Variants in DAB1 observed in about 807,000 individuals in gnomAD.
DAB1 encodes the protein DAB adaptor protein 1.
A neutral mutation model predicts 64.6 loss-of-function variants in DAB1; 15 were observed. The ratio of observed to expected loss-of-function variants is 0.23; its 90% CI spans 0.16 to 0.36. The LOEUF (loss-of-function observed/expected upper bound fraction) is 0.36, where lower values mean the gene tolerates loss of function less well. DAB1 is among the 10% of genes least tolerant of loss of function. The pLI is 1.00. For synonymous variants in DAB1, 235 were observed against 251.9 expected, an observed-to-expected ratio of 0.93 and a Z score of 0.64; for missense variants, 596 against 706.7, an observed-to-expected ratio of 0.84 and a Z score of 1.78.
At chr1:57,506,200 A>C (rs1319554354) in intron 7 of DAB1, among the ~76,000 whole-genome samples, 1 of 152,214 alleles carries the variant, frequency 6.6e-6, no homozygotes, top group Non-Finnish European at 1.5e-5. Context: ...ATAAAAGAAG[A>C]AAAAAGGAGG....
chr1:57,503,075 C>G (rs1012339964), intron 7 of DAB1, among the ~76,000 whole-genome samples: 14 of 152,186 alleles, frequency 9.2e-5, no homozygotes, highest in Non-Finnish European at 1.5e-4. Flanking sequence ...AGGCAGAATT[C>G]AACTTTGGTT....
rs528007821 is a variant in DAB1, at chr1:57,148,646, C to T, written c.68-3217G>A. On this transcript the variant is annotated intron_variant, in intron 2 of 14. Coordinates refer to ENST00000371236, the MANE Select transcript of DAB1 (RefSeq NM_001365792.1). Reference sequence around the variant, plus strand: ...CAAGATGGGCAAGAGAAAGACCACACGTTTAAGGAAAATCACCCATATGGT... The same window carrying T: ...CAAGATGGGCAAGAGAAAGACCACATGTTTAAGGAAAATCACCCATATGGT... Among the ~76,000 whole-genome samples, 77 of 152,266 alleles carry T rather than the reference C, an allele frequency of 5.1e-4. 1 individual carries two copies. Among genetic ancestry groups the T allele is most frequent in the African/African-American group, 1.6e-3 (68 of 41,550 alleles).
At chr1:57,908,048 CT>C (rs1644581762) in intron 5 of DAB1, among the ~76,000 whole-genome samples, 1 of 152,044 alleles carries the variant, frequency 6.6e-6, no homozygotes, top group Admixed American at 6.5e-5. Context: ...TATAGATGCT[CT>C]GTTATAATCT....
chr1:58,365,054 C>T (rs1022088116), intron 3 of DAB1, among the ~76,000 whole-genome samples: 5 of 152,228 alleles, frequency 3.3e-5, no homozygotes, highest in African/African-American at 1.2e-4. Context: ...TCCCTGCCCT[C>T]GTTGCGTAGA....
chr1:57,860,389 T>C (rs1236431003), intron 1 of DAB1: 1 of 152,212 alleles, frequency 6.6e-6, no homozygotes, highest in African/African-American at 2.4e-5. Flanking sequence ...CAGGACTGCA[T>C]AAGAGTGTGC....
chr1:58,203,410 C>T (rs1404567546), intron 4 of DAB1, among the ~76,000 whole-genome samples: 4 of 152,206 alleles, frequency 2.6e-5, no homozygotes, highest in Non-Finnish European at 5.9e-5. Flanking sequence ...TCAGGGTTCC[C>T]TAATCTGGGA....
intron 6 of DAB1, among the ~76,000 whole-genome samples, chr1:57,771,428 G>C (rs75106871): frequency 0.025 from 3,786 of 152,138 alleles, 82 homozygotes; most frequent in Non-Finnish European, 0.042. Flanking sequence ...GCTCTGATTG[G>C]CTATTTGTAG....
chr1:57,838,032 T>C (rs765026757), intron 1 of DAB1, among the ~76,000 whole-genome samples: 4 of 152,056 alleles, frequency 2.6e-5, no homozygotes, highest in African/African-American at 4.8e-5. Context: ...TACTCTGCTA[T>C]AGGCACTCTG....
At chr1:57,873,012 A>G (rs1157324127) in intron 1 of DAB1, among the ~76,000 whole-genome samples, 1 of 152,040 alleles carries the variant, frequency 6.6e-6, no homozygotes, top group African/African-American at 2.4e-5. Flanking sequence ...CCCTGTTCTG[A>G]TTTTTGTGTG....
At chr1:57,136,174 GA>G (rs1451319981) in intron 4 of DAB1, among the ~76,000 whole-genome samples, 1 of 152,124 alleles carries the variant, frequency 6.6e-6, no homozygotes, top group East Asian at 1.9e-4. Flanking sequence ...TGGATGCTTT[GA>G]CCGAGTCAAA....
intron 4 of DAB1, among the ~76,000 whole-genome samples, chr1:57,121,904 G>T (rs1472180456): frequency 2.0e-5 from 3 of 151,676 alleles, no homozygotes; most frequent in African/African-American, 7.3e-5. Context: ...AAAACTTAAA[G>T]TTAAAAAAAA....
chr1:58,214,128 T>C (rs1188570519), intron 4 of DAB1, among the ~76,000 whole-genome samples: 4 of 152,178 alleles, frequency 2.6e-5, no homozygotes, highest in Non-Finnish European at 4.4e-5. Context: ...CCTTATTTTC[T>C]GCAGCCTCCT....
chr1:57,129,922 A>G (rs1322764032), intron 4 of DAB1, among the ~76,000 whole-genome samples: 1 of 151,840 alleles, frequency 6.6e-6, no homozygotes, highest in African/African-American at 2.4e-5. Flanking sequence ...GTTTCATTCT[A>G]TCCATCCCTG....
chr1:57,439,418 G>GTTTTTTTTTTTTGTTTTTTTTTGGTT, intron 7 of DAB1, among the ~76,000 whole-genome samples: 1 of 116,172 alleles, frequency 8.6e-6, no homozygotes, highest in Non-Finnish European at 1.7e-5. Flanking sequence ...TGGTGATGAG[G>GTTTTTTTTTTTTGTTTTTTTTTGGTT]TTTTTTCTTT....
chr1:57,942,718 C>A (rs1645122714), intron 5 of DAB1, among the ~76,000 whole-genome samples: 1 of 152,142 alleles, frequency 6.6e-6, no homozygotes, highest in Admixed American at 6.5e-5. Context: ...TAGGGAATAG[C>A]TGAGCAACGA....
At chr1:58,443,134 C>T (rs1463037345) in intron 3 of DAB1, among the ~76,000 whole-genome samples, 3 of 152,186 alleles carry the variant, frequency 2.0e-5, no homozygotes, top group Admixed American at 1.3e-4. Context: ...TCCTGTTCCT[C>T]CTTAGTGACA....
chr1:58,021,209 A>G (rs1011241305), intron 5 of DAB1, among the ~76,000 whole-genome samples: 1 of 152,226 alleles, frequency 6.6e-6, no homozygotes, highest in Non-Finnish European at 1.5e-5. Context: ...TGGACACTGG[A>G]AGTCCCTCCA....
At chr1:57,144,642 CGA>C (rs1460731215) in intron 3 of DAB1, among the ~76,000 whole-genome samples, 2 of 149,726 alleles carry the variant, frequency 1.3e-5, no homozygotes, top group African/African-American at 4.9e-5. Flanking sequence ...TGCAGTGAGC[CGA>C]GATTGCGCCA....
At chr1:57,930,574 T>A (rs1644939962) in intron 5 of DAB1, among the ~76,000 whole-genome samples, 1 of 152,196 alleles carries the variant, frequency 6.6e-6, no homozygotes, top group Admixed American at 6.5e-5. Flanking sequence ...ATAGTTTTTC[T>A]TATATAGATT....
Sources: allele counts gnomAD v4.1 joint callset (sites outside exome capture counted in the v4.1 genomes callset), GRCh38; gene constraint gnomAD v4.1.1; transcripts MANE v1.5; gene names NCBI Gene and HGNC (gene_info 2026-07-23, HGNC 2026-07-21).